The following SMARCC1 variants were observed in gnomAD, a reference collection of about 807,000 sequenced individuals.
The protein encoded by SMARCC1 is SWI/SNF complex subunit SMARCC1.
In SMARCC1, 43 loss-of-function variants were observed where a neutral mutation model predicts 147.4. That is an observed-to-expected ratio of 0.29 (90% CI 0.23 to 0.38). SMARCC1 has a LOEUF of 0.38. Ranked by LOEUF, SMARCC1 falls within the 10% of genes least tolerant of loss-of-function variation. The pLI is 1.00. For synonymous variants in SMARCC1, 495 were observed against 484.4 expected (o/e 1.02, Z -0.29); for missense variants, 1,119 against 1,381.1 (o/e 0.81, Z 3.01).
chr3:47,724,543 A>T (rs1370131499), intron 6 of SMARCC1, among the ~76,000 whole-genome samples: 5 of 152,220 alleles, frequency 3.3e-5, no homozygotes, highest in Non-Finnish European at 7.3e-5. Context: ...ACACAAATTC[A>T]TAAGTTTTCT....
intron 21 of SMARCC1, among the ~76,000 whole-genome samples, chr3:47,642,662 T>C (rs751925911): frequency 4.8e-4 from 73 of 152,100 alleles, no homozygotes; most frequent in Non-Finnish European, 9.1e-4. Context: ...TTACGCTTGG[T>C]AGATCAGCAG....
intron 24 of SMARCC1, among the ~76,000 whole-genome samples, chr3:47,634,146 G>A (rs77665031): frequency 6.6e-6 from 1 of 152,136 alleles, no homozygotes. Context: ...GCTAATTTTA[G>A]TTATTAGGAA....
At chr3:47,604,980 C>T (rs936763191) in intron 26 of SMARCC1, among the ~76,000 whole-genome samples, 7 of 152,136 alleles carry the variant, frequency 4.6e-5, no homozygotes, top group South Asian at 2.1e-4. Flanking sequence ...GGATTACAGG[C>T]GTAAGCCACC....
intron 25 of SMARCC1, among the ~76,000 whole-genome samples, chr3:47,620,300 A>C (rs1051304964): frequency 6.6e-6 from 1 of 151,854 alleles, no homozygotes; most frequent in Non-Finnish European, 1.5e-5. Flanking sequence ...CTGTCTCTAC[A>C]AAAAAACAAA....
At chr3:47,772,458 G>A (rs534270457) in intron 2 of SMARCC1, among the ~76,000 whole-genome samples, 3 of 152,186 alleles carry the variant, frequency 2.0e-5, no homozygotes, top group East Asian at 3.9e-4. Flanking sequence ...AACTTCAGAA[G>A]GTATCTCACC....
At chr3:47,674,387 A>C (rs1004476133) in intron 18 of SMARCC1, among the ~76,000 whole-genome samples, 1 of 152,130 alleles carries the variant, frequency 6.6e-6, no homozygotes, top group Non-Finnish European at 1.5e-5. Context: ...TTCACCTTCA[A>C]TTTTGAAAGT....
chr3:47,707,885 A>T (rs2034027901), intron 9 of SMARCC1, among the ~76,000 whole-genome samples: 1 of 152,116 alleles, frequency 6.6e-6, no homozygotes, highest in Non-Finnish European at 1.5e-5. Context: ...TCTCATGCTA[A>T]AATGAAAAAA....
chr3:47,732,481 G>A (rs892890726), intron 5 of SMARCC1, among the ~76,000 whole-genome samples: 1 of 152,138 alleles, frequency 6.6e-6, no homozygotes, highest in Non-Finnish European at 1.5e-5. Flanking sequence ...CAAGTTCTCA[G>A]CTTATCTTGG....
chr3:47,718,216 G>A (rs968347913), intron 7 of SMARCC1, among the ~76,000 whole-genome samples: 4 of 151,462 alleles, frequency 2.6e-5, no homozygotes, highest in Non-Finnish European at 5.9e-5. Flanking sequence ...AGGCCAAGGT[G>A]GGTGGATCAC....
chr3:47,628,179 C>T (rs1446593599), intron 24 of SMARCC1, among the ~76,000 whole-genome samples: 3 of 152,076 alleles, frequency 2.0e-5, no homozygotes, highest in East Asian at 3.8e-4. Flanking sequence ...TTTCTGAAGC[C>T]CCATGTTTGG....
chr3:47,710,752 C>T lies in SMARCC1; in HGVS notation c.849G>A (p.Glu283=), dbSNP rs183590597. Residue 283 remains glutamate, a synonymous_variant, in exon 9 of 28, where the codon GAG becomes GAA. Coordinates refer to ENST00000254480, the MANE Select transcript of SMARCC1 (RefSeq NM_003074.4). ...TCCTATTTTCATCCACCTCATAATC[C>T]TCCTCATTCATCCATTCATTGAAAA... ...TDIFNEWMNE[E]DYEVDENRKP... 8 of 1,612,844 alleles carry T rather than the reference C, an allele frequency of 5.0e-6. No individual in the cohort carries two copies. The highest frequency in any genetic ancestry group is 4.0e-5 in the African/African-American group (3 of 74,996).
At position 47,770,201 on chromosome 3, in the gene SMARCC1, C is replaced by A. The variant is rs1344923649; in HGVS notation, c.315+2616G>T. On this transcript the variant is annotated intron_variant, in intron 2 of 27. Coordinates refer to ENST00000254480, the MANE Select transcript of SMARCC1 (RefSeq NM_003074.4). Reference sequence around the variant, plus strand: ...TGAGATTGTACCACTGCACTCTAGCCTGGGTGACAGAGTGAGACTGTCTCA... The same window carrying A: ...TGAGATTGTACCACTGCACTCTAGCATGGGTGACAGAGTGAGACTGTCTCA... Among the ~76,000 whole-genome samples the A allele has an allele frequency of 3.3e-5, 5 of 151,700 alleles. No individual in the cohort carries two copies. The East Asian group carries it at 9.6e-4, about 29-fold the overall frequency.
At chr3:47,616,100 T>C (rs1214864206) in intron 25 of SMARCC1, among the ~76,000 whole-genome samples, 1 of 152,222 alleles carries the variant, frequency 6.6e-6, no homozygotes, top group African/African-American at 2.4e-5. Flanking sequence ...GGCCTCAAAG[T>C]GTCTTTTAAA....
chr3:47,590,610 G>A, intron 27 of SMARCC1, 51 bp downstream of exon 27: 1 of 1,423,524 alleles, frequency 7.0e-7, no homozygotes, highest in Non-Finnish European at 9.3e-7. Flanking sequence ...CTTATCTACA[G>A]CCCTCCAGAA....
intron 25 of SMARCC1, among the ~76,000 whole-genome samples, chr3:47,621,568 C>T (rs2032732120): frequency 6.6e-6 from 1 of 151,992 alleles, no homozygotes. Flanking sequence ...CAAAAAATGC[C>T]ACATGTTCTC....
intron 12 of SMARCC1, among the ~76,000 whole-genome samples, chr3:47,690,531 T>A (rs1443270280): frequency 1.3e-5 from 2 of 152,156 alleles, no homozygotes; most frequent in Non-Finnish European, 2.9e-5. Flanking sequence ...AAAGCCACTA[T>A]GAACATGAAT....
chr3:47,592,710 T>G (rs1394401932), intron 26 of SMARCC1, among the ~76,000 whole-genome samples: 1 of 152,174 alleles, frequency 6.6e-6, no homozygotes, highest in Admixed American at 6.5e-5. Context: ...GCGATCCCCC[T>G]GCCTCAGCCT....
chr3:47,697,912 G>A lies in SMARCC1; in HGVS notation c.1165+3366C>T, dbSNP rs559327216. On this transcript the variant is annotated intron_variant, in intron 11 of 27. Transcript: ENST00000254480. The stretch of plus-strand genomic sequence containing the variant: ...ATTCCCAGCTACTCAGGAGGCTGAG[G>A]CAGGAGAACGGTGTGAACCTGGGAG... 2.8e-3 allele frequency among the ~76,000 whole-genome samples: 406 copies of A among 144,486 alleles called. 1 individual carries two copies. Among genetic ancestry groups the A allele is most frequent in the African/African-American group, 9.7e-3 (384 of 39,788 alleles). The allele number at this position is 144,486 out of a possible 152,430, so 94.8% of individuals were successfully genotyped here. A position where few individuals can be genotyped will look rare whatever the true frequency, so the allele number is the denominator to read the frequency against.
rs1201115603 is a variant in SMARCC1 at position 47,693,236 on chromosome 3, C to A, written c.1225+5G>T. On this transcript the variant is annotated splice_donor_5th_base_variant and intron_variant, in intron 12 of 27. Coordinates refer to ENST00000254480, the MANE Select transcript of SMARCC1 (RefSeq NM_003074.4). ...CAGACCAGTGTATAGATTTTAGGTGCTTACCTAGATCCGCTACAGTTCCTC... is the reference window on the plus strand; with the variant it reads ...CAGACCAGTGTATAGATTTTAGGTGATTACCTAGATCCGCTACAGTTCCTC... 1 of 1,540,642 alleles carries A rather than the reference C, an allele frequency of 6.5e-7. No homozygotes were observed. The highest frequency in any genetic ancestry group is 9.0e-7 in the Non-Finnish European group (1 of 1,113,516).
Sources: allele counts gnomAD v4.1 joint callset (sites outside exome capture counted in the v4.1 genomes callset), GRCh38; gene constraint gnomAD v4.1.1; transcripts MANE v1.5; gene names NCBI Gene and HGNC (gene_info 2026-07-23, HGNC 2026-07-21).